Variants in CNOT8 observed in about 807,000 individuals in gnomAD.
CNOT8 encodes the protein CAF1-like protein.
In CNOT8, 18 loss-of-function variants were observed where a neutral mutation model predicts 34.6. The observed-to-expected ratio is 0.52, with a 90% CI of 0.36 to 0.77. The LOEUF (loss-of-function observed/expected upper bound fraction) is 0.77, where lower values mean the gene tolerates loss of function less well. Among genes scored for constraint, CNOT8 ranks in the 30% least tolerant of loss-of-function variants. The probability of loss-of-function intolerance (pLI) is 0.00; values close to 1 mark genes in which losing one functional copy is unlikely to be tolerated. For synonymous variants in CNOT8, 101 were observed against 118.8 expected, an observed-to-expected ratio of 0.85 and a Z score of 0.98; for missense variants, 189 against 347.9, an observed-to-expected ratio of 0.54 and a Z score of 3.63.
intron 2 of CNOT8, 73 bp from the exon 3 acceptor site, chr5:154,865,119 T>G: frequency 3.2e-6 from 4 of 1,253,096 alleles, no homozygotes; most frequent in Non-Finnish European, 4.4e-6. Flanking sequence ...AGGTAAAATT[T>G]TATTTATGAA....
At chr5:154,859,889 A>C (rs1291099695) in intron 1 of CNOT8, 2 of 152,244 alleles carry the variant, frequency 1.3e-5, no homozygotes, top group African/African-American at 2.4e-5. Context: ...TGTGTTTGTG[A>C]AAACCTTTCC....
intron 1 of CNOT8, among the ~76,000 whole-genome samples, chr5:154,861,917 C>T (rs1391843700): frequency 6.6e-6 from 1 of 152,188 alleles, no homozygotes; most frequent in Non-Finnish European, 1.5e-5. Context: ...CCAGGATGGT[C>T]TCTATCTCCT....
intron 5 of CNOT8, 33 bp downstream of exon 5, chr5:154,871,907 AAAG>A (rs764455247): frequency 3.6e-5 from 57 of 1,583,580 alleles, no homozygotes; most frequent in Admixed American, 1.4e-4. Context: ...CCAGTAACAA[AAAG>A]AAGGACAGAA....
chr5:154,861,291 T>G (rs1196534970), intron 1 of CNOT8, among the ~76,000 whole-genome samples: 1 of 152,186 alleles, frequency 6.6e-6, no homozygotes. Context: ...GAGAAGAAAT[T>G]TATTCTGGCT....
At chr5:154,859,457 C>CG (rs1183904662) in intron 1 of CNOT8, 1 of 152,154 alleles carries the variant, frequency 6.6e-6, no homozygotes, top group African/African-American at 2.4e-5. Context: ...GTTTGAACTG[C>CG]GGTTCAATCC....
upstream of CNOT8, chr5:154,858,268 G>A (rs1345222747): frequency 1.3e-5 from 2 of 152,122 alleles, no homozygotes; most frequent in East Asian, 1.9e-4. Flanking sequence ...CAAAATGGAG[G>A]AGTAAGAATC....
intron 2 of CNOT8, 53 bp from the exon 3 acceptor site, chr5:154,865,139 C>A: frequency 7.4e-7 from 1 of 1,344,770 alleles, no homozygotes. Context: ...ATTACCAATT[C>A]AGCATCCACT....
rs1762936065 is a variant in CNOT8, at chr5:154,876,567, A to T, written c.*1128A>T. The T allele has an allele frequency of 6.6e-6, 1 of 152,618 alleles. No homozygotes were observed. Among genetic ancestry groups the T allele is most frequent in the South Asian group, 2.1e-4 (1 of 4,828 alleles). The allele number at this position is 152,618 out of a possible 1,614,324, so 9.5% of individuals were successfully genotyped here. On this transcript the variant is annotated 3_prime_UTR_variant, in exon 7 of 7. Transcript: ENST00000285896. Reference sequence around the variant, plus strand: ...GCATATTGTATTTTTTTGAATGACTACAGTATGGACAATTTCAAAAACCAA... The same window carrying T: ...GCATATTGTATTTTTTTGAATGACTTCAGTATGGACAATTTCAAAAACCAA...
chr5:154,871,973 T>C, intron 5 of CNOT8, 99 bp downstream of exon 5: 1 of 960,902 alleles, frequency 1.0e-6, no homozygotes, highest in South Asian at 1.6e-5. Context: ...TTTTGAGTAC[T>C]AGATGCTAGT....
chr5:154,868,206 G>A (rs1431118108), intron 3 of CNOT8, among the ~76,000 whole-genome samples: 4 of 151,790 alleles, frequency 2.6e-5, no homozygotes, highest in African/African-American at 7.3e-5. Context: ...CAGAGTGCTG[G>A]GATTACAGGC....
At chr5:154,867,719 T>C in intron 3 of CNOT8, 1 of 282,048 alleles carries the variant, frequency 3.5e-6, no homozygotes, top group South Asian at 2.6e-5. Flanking sequence ...TCAACAATAA[T>C]ACATGTGTTG....
rs1761762653 is a variant in CNOT8 at position 154,865,288 on chromosome 5, T to C, written c.214T>C (p.Leu72=). The change falls in exon 3 of 7, where the codon TTA becomes CTA. Residue 72 remains leucine (L), a synonymous_variant. Transcript: ENST00000285896. ...GCTTCTGCGGTGCAATGTTGACCTT[T>C]TAAAAATTATCCAGCTGGGCCTTAC... ...YQLLRCNVDL[L]KIIQLGLTFT... is the part of the protein sequence containing the mutation. 6 of 1,613,662 alleles carry C rather than the reference T, an allele frequency of 3.7e-6. No homozygotes were observed. Among genetic ancestry groups the C allele is most frequent in the Non-Finnish European group, 5.1e-6 (6 of 1,179,908 alleles).
intron 3 of CNOT8, among the ~76,000 whole-genome samples, chr5:154,869,863 T>A (rs1443815746): frequency 7.9e-5 from 12 of 152,082 alleles, no homozygotes; most frequent in Admixed American, 5.2e-4. Flanking sequence ...GACCTCGTGA[T>A]CCGCCCACCT....
chr5:154,863,752 A>G (rs1448051479), intron 2 of CNOT8, among the ~76,000 whole-genome samples: 1 of 152,222 alleles, frequency 6.6e-6, no homozygotes, highest in South Asian at 2.1e-4. Context: ...AGAAGGATGT[A>G]ACCTCTAGTA....
rs1001265252 is a variant in CNOT8, at chr5:154,872,518, C to T, written c.619-23C>T. ...GGGCATGTTGGGTTTGTAATATTATCTTTGTTCTCCATACATCTCCAGGGA... is the reference window on the plus strand; with the variant it reads ...GGGCATGTTGGGTTTGTAATATTATTTTTGTTCTCCATACATCTCCAGGGA... On this transcript the variant is annotated intron_variant, in intron 5 of 6. Transcript: ENST00000285896. The T allele has an allele frequency of 3.9e-6, 6 of 1,521,188 alleles. No homozygotes were observed. The African/African-American group carries it at 5.5e-5, about 14-fold the overall frequency. 94.2% of individuals were successfully genotyped at this position (1,521,188 alleles called of 1,614,324 possible). A position where few individuals can be genotyped will look rare whatever the true frequency, so the allele number is the denominator to read the frequency against.
chr5:154,870,580 AT>A, intron 3 of CNOT8, 80 bp from the exon 4 acceptor site: 6 of 1,058,578 alleles, frequency 5.7e-6, no homozygotes, highest in Non-Finnish European at 8.3e-6. Context: ...TTGTACTATA[AT>A]TATAAGGTGG....
chr5:154,874,938 T>G lies in CNOT8; in HGVS notation c.730-352T>G, dbSNP rs1390260452. 2.0e-5 allele frequency among the ~76,000 whole-genome samples: 3 copies of G among 151,672 alleles called. No homozygotes were observed. In the South Asian group the frequency reaches 6.2e-4, roughly 32 times the overall value. ...GTAGTGGTTTTTTTCTTTTTTGAGA[T>G]GGAGTCTTCGCTATGTTGCCCAGGC... On this transcript the variant is annotated intron_variant, in intron 6 of 6. Coordinates refer to ENST00000285896, the MANE Select transcript of CNOT8 (RefSeq NM_001301073.2).
At position 154,865,219 on chromosome 5, in the gene CNOT8, C is replaced by A. The variant is rs754392052; in HGVS notation, c.145C>A (p.Arg49=). Residue 49 remains arginine (R), a synonymous_variant, in exon 3 of 7, where the codon CGA becomes AGA. Coordinates refer to ENST00000285896, the MANE Select transcript of CNOT8 (RefSeq NM_001301073.2). ...CACAGAATTTCCAGGTGTTGTGGTG[C>A]GACCAATTGGTGAATTTCGTAGTTC... ...MDTEFPGVVV[R]PIGEFRSSID... 4 of 1,600,478 alleles carry A rather than the reference C, an allele frequency of 2.5e-6. No individual in the cohort carries two copies. Among genetic ancestry groups the A allele is most frequent in the Non-Finnish European group, 3.4e-6 (4 of 1,175,222 alleles).
In CNOT8 at chr5:154,875,557, A is replaced by C. The variant is rs1444473853; in HGVS notation, c.*118A>C. On this transcript the variant is annotated 3_prime_UTR_variant, in exon 7 of 7. Transcript: ENST00000285896. ...TGAGCACACTGTACCTACCATCTGC[A>C]TTGAGCAGAAAGACTTTTGTTTTAC... The C allele has an allele frequency of 2.8e-6, 3 of 1,088,454 alleles. No individual in the cohort carries two copies. The African/African-American group carries it at 4.8e-5, about 17-fold the overall frequency. 67.4% of individuals were successfully genotyped at this position (1,088,454 alleles called of 1,614,324 possible). A position where few individuals can be genotyped will look rare whatever the true frequency, so the allele number is the denominator to read the frequency against.
Sources: gnomAD v4.1 joint callset for allele counts (sites outside exome capture counted in the v4.1 genomes callset) on GRCh38, gnomAD v4.1.1 for gene constraint, MANE v1.5 for transcripts, NCBI Gene and HGNC (gene_info 2026-07-23, HGNC 2026-07-21) for gene names.